The following TDP1 variants were observed in gnomAD, a reference collection of about 807,000 sequenced individuals.
TDP1 encodes the protein tyrosyl-DNA phosphodiesterase 1.
In TDP1, 64 loss-of-function variants were observed where a neutral mutation model predicts 81.5. The ratio of observed to expected loss-of-function variants is 0.79; its 90% CI spans 0.64 to 0.97. The LOEUF (loss-of-function observed/expected upper bound fraction) is 0.97. Among genes scored for constraint, TDP1 ranks in the 50% least tolerant of loss-of-function variants. The probability of loss-of-function intolerance (pLI) is 0.00; values close to 1 mark genes in which losing one functional copy is unlikely to be tolerated. For synonymous variants in TDP1, 256 were observed against 264.3 expected, an observed-to-expected ratio of 0.97 and a Z score of 0.30; for missense variants, 723 against 743.8, an observed-to-expected ratio of 0.97 and a Z score of 0.33.
intron 14 of TDP1, among the ~76,000 whole-genome samples, chr14:90,016,919 C>G (rs556744254): frequency 2.0e-4 from 30 of 152,252 alleles, no homozygotes; most frequent in African/African-American, 7.0e-4. Context: ...TACCCCACCC[C>G]TCTTTAGTGA....
At chr14:89,996,240 C>T (rs551893553) in intron 14 of TDP1, among the ~76,000 whole-genome samples, 3 of 152,256 alleles carry the variant, frequency 2.0e-5, no homozygotes, top group South Asian at 2.1e-4. Flanking sequence ...GAATTCCCCA[C>T]GTCCTGTAGG....
intron 14 of TDP1, among the ~76,000 whole-genome samples, chr14:89,998,420 A>ATATATATATATATG (rs1566891293): frequency 3.8e-5 from 3 of 79,298 alleles, no homozygotes; most frequent in African/African-American, 1.3e-4. Flanking sequence ...ATATATATAT[A>ATATATATATATATG]TATGTATGTA....
intron 14 of TDP1, among the ~76,000 whole-genome samples, chr14:90,003,482 GC>G (rs1897359725): frequency 6.6e-6 from 1 of 152,202 alleles, no homozygotes; most frequent in South Asian, 2.1e-4. Flanking sequence ...TTGATGGGCA[GC>G]CGGTTGTTAG....
In TDP1 at chr14:90,043,235, T is replaced by A. The variant is rs1053308567; in HGVS notation, c.*92T>A. 4.6e-6 allele frequency: 7 copies of A among 1,511,554 alleles called. No individual in the cohort carries two copies. The Admixed American group carries it at 1.1e-4, about 23-fold the overall frequency. 93.6% of individuals were successfully genotyped at this position (1,511,554 alleles called of 1,614,324 possible). ...TACTGGATGTCCACTTCCCTTAAAG[T>A]CTTATTTGCACCCTTACAAAATCTT... On this transcript the variant is annotated 3_prime_UTR_variant, in exon 17 of 17. Coordinates refer to ENST00000335725, the MANE Select transcript of TDP1 (RefSeq NM_018319.4).
intron 2 of TDP1, among the ~76,000 whole-genome samples, chr14:89,962,477 T>C (rs1300003025): frequency 6.6e-6 from 1 of 152,182 alleles, no homozygotes; most frequent in Non-Finnish European, 1.5e-5. Context: ...ATTGGAAGTT[T>C]CGGGGTCAAG....
At position 90,043,261 on chromosome 14, in the gene TDP1, T is replaced by A; in HGVS notation, c.*118T>A. On this transcript the variant is annotated 3_prime_UTR_variant, in exon 17 of 17. Coordinates refer to ENST00000335725, the MANE Select transcript of TDP1 (RefSeq NM_018319.4). ...CTTATTTGCACCCTTACAAAATCTT[T>A]CCAAAGGTCACTCTTATGAATGGAT... 8.1e-7 allele frequency: 1 copy of A among 1,242,044 alleles called. No individual in the cohort carries two copies. Among genetic ancestry groups the A allele is most frequent in the Non-Finnish European group, 1.2e-6 (1 of 860,694 alleles). 76.9% of individuals were successfully genotyped at this position (1,242,044 alleles called of 1,614,324 possible).
At chr14:90,035,868 A>C (rs1887772448) in intron 16 of TDP1, among the ~76,000 whole-genome samples, 3 of 142,520 alleles carry the variant, frequency 2.1e-5, no homozygotes, top group African/African-American at 2.6e-5. Context: ...GCTGGATTCC[A>C]CCCCCTTCAT....
intron 15 of TDP1, among the ~76,000 whole-genome samples, chr14:90,031,916 T>C (rs1444209562): frequency 6.6e-6 from 1 of 152,256 alleles, no homozygotes; most frequent in Non-Finnish European, 1.5e-5. Context: ...TATTCTCTTA[T>C]GGCACTCCTT....
intron 6 of TDP1, among the ~76,000 whole-genome samples, chr14:89,974,991 A>G (rs1223060530): frequency 1.3e-5 from 2 of 152,168 alleles, no homozygotes; most frequent in Non-Finnish European, 2.9e-5. Context: ...ATATGTTTTT[A>G]TTTTCAGCAC....
rs115319948 is a variant in TDP1 at position 90,004,433 on chromosome 14, G to A, written c.1541+10950G>A. ...GGTGCTTACTATATGCTGGCCAAGC[G>A]CTTTTTTATACTAGCTCATTTAATC... On this transcript the variant is annotated intron_variant, in intron 14 of 16. Coordinates refer to ENST00000335725, the MANE Select transcript of TDP1 (RefSeq NM_018319.4). 8.2e-3 allele frequency among the ~76,000 whole-genome samples: 1,248 copies of A among 152,290 alleles called. 12 individuals carry two copies. Among genetic ancestry groups the A allele is most frequent in the Admixed American group, 0.038 (587 of 15,294 alleles).
intron 8 of TDP1, 157 bp from the exon 9 acceptor site, chr14:89,984,359 T>C (rs1472367618): frequency 1.0e-6 from 1 of 985,170 alleles, no homozygotes; most frequent in African/African-American, 1.7e-5. Context: ...ACCATTGGAG[T>C]GGTGTTCTCA....
At chr14:90,039,555 G>A (rs1223061849) in intron 16 of TDP1, among the ~76,000 whole-genome samples, 1 of 152,096 alleles carries the variant, frequency 6.6e-6, no homozygotes, top group Non-Finnish European at 1.5e-5. Flanking sequence ...GTTCGGGCAT[G>A]GGGGTGAGAG....
chr14:90,010,731 C>A (rs1329232539), intron 14 of TDP1, among the ~76,000 whole-genome samples: 2 of 152,138 alleles, frequency 1.3e-5, no homozygotes, highest in African/African-American at 4.8e-5. Context: ...GAAACACAAT[C>A]CTCCTAAAAC....
intron 3 of TDP1, chr14:89,965,046 AG>A (rs1441972930): frequency 5.6e-6 from 1 of 177,508 alleles, no homozygotes; most frequent in African/African-American, 2.4e-5. Flanking sequence ...GGACTTCAAA[AG>A]GCCTTTGAAA....
Position 89,972,841 on chromosome 14 carries a change from GTTAGC to G in TDP1, c.756+1575_756+1579del, listed in dbSNP as rs1299261690. On this transcript the variant is annotated intron_variant, in intron 6 of 16. Transcript: ENST00000335725. ...TTTATAGCCCTTTTCTTTCCTTATC[GTTAGC>G]TTAGTGAAATTGGCAAAAGATTTCT... 3.3e-5 allele frequency among the ~76,000 whole-genome samples: 5 copies of G among 152,102 alleles called. No individual in the cohort carries two copies. The East Asian group carries it at 9.6e-4, about 29-fold the overall frequency.
intron 4 of TDP1, chr14:89,967,127 A>G (rs1307784663): frequency 1.6e-5 from 16 of 985,130 alleles, no homozygotes; most frequent in Non-Finnish European, 1.9e-5. Flanking sequence ...ACATGCAGAG[A>G]TAATTTCCTG....
intron 4 of TDP1, 93 bp from the exon 5 acceptor site, chr14:89,967,274 A>G: frequency 7.2e-7 from 1 of 1,387,570 alleles, no homozygotes; most frequent in South Asian, 1.2e-5. Context: ...ACTATTTTAG[A>G]GTTTCCTTAA....
At chr14:89,975,518 A>C (rs1894182648) in intron 6 of TDP1, 1 of 959,484 alleles carries the variant, frequency 1.0e-6, no homozygotes. Context: ...AGTCCTAATT[A>C]CTGTAATTAA....
intron 5 of TDP1, 141 bp downstream of exon 5, chr14:89,967,563 A>G: frequency 1.3e-6 from 1 of 762,392 alleles, no homozygotes; most frequent in Non-Finnish European, 2.4e-6. Flanking sequence ...ATTAAGTTAT[A>G]TCCGGAAAAC....
Sources: allele counts gnomAD v4.1 joint callset (sites outside exome capture counted in the v4.1 genomes callset), GRCh38; gene constraint gnomAD v4.1.1; transcripts MANE v1.5; gene names NCBI Gene and HGNC (gene_info 2026-07-23, HGNC 2026-07-21).